The following TDRD7 variants were observed in gnomAD, a reference collection of about 807,000 sequenced individuals.
TDRD7 encodes the protein tudor domain-containing protein 7.
In TDRD7, 47 loss-of-function variants were observed where a neutral mutation model predicts 109.8. That is an observed-to-expected ratio of 0.43 (90% CI 0.34 to 0.55). The LOEUF (loss-of-function observed/expected upper bound fraction) is 0.55. TDRD7 is among the 20% of genes least tolerant of loss of function. The pLI is 0.03. For synonymous variants in TDRD7, 424 were observed against 457.3 expected (o/e 0.93, Z 0.93); for missense variants, 1,164 against 1,319.2 (o/e 0.88, Z 1.82).
At chr9:97,436,586 G>A (rs1273742653) in intron 4 of TDRD7, among the ~76,000 whole-genome samples, 1 of 151,892 alleles carries the variant, frequency 6.6e-6, no homozygotes, top group Admixed American at 6.6e-5. Context: ...TATAGCTATC[G>A]ATCTTTTACT....
At chr9:97,481,711 A>G (rs1829119857) in intron 14 of TDRD7, among the ~76,000 whole-genome samples, 1 of 152,190 alleles carries the variant, frequency 6.6e-6, no homozygotes, top group African/African-American at 2.4e-5. Context: ...ACATGATAAT[A>G]CTGTTTTCTC....
chr9:97,492,754 T>A (rs1216907715), intron 16 of TDRD7, among the ~76,000 whole-genome samples: 1 of 152,210 alleles, frequency 6.6e-6, no homozygotes, highest in Non-Finnish European at 1.5e-5. Context: ...TTTGACTTGC[T>A]CCTAAGTCAC....
rs777724956 is a variant in TDRD7, at chr9:97,473,598, G to A, written c.2051G>A (p.Arg684His). ...CTGAACAAGCTCAGTGACCTTCTAC[G>A]TAAGATAGAGGACTACTTCCATTGC... The part of the protein sequence containing the change: ...KGLNKLSDLL[R>H]KIEDYFHCKH... The change falls in exon 11 of 17, where the codon CGT (arginine) becomes CAT (histidine). Residue 684 changes from arginine to histidine, a missense_variant. Coordinates refer to ENST00000355295, the MANE Select transcript of TDRD7 (RefSeq NM_014290.3). The A allele has an allele frequency of 1.7e-5, 28 of 1,613,620 alleles. No individual in the cohort carries two copies. Among genetic ancestry groups the A allele is most frequent in the South Asian group, 3.3e-5 (3 of 91,082 alleles).
At position 97,460,203 on chromosome 9, in the gene TDRD7, A is replaced by G; in HGVS notation, c.881A>G (p.Gln294Arg). 6.2e-7 allele frequency: 1 copy of G among 1,614,248 alleles called. No individual in the cohort carries two copies. Among genetic ancestry groups the G allele is most frequent in the Non-Finnish European group, 8.5e-7 (1 of 1,180,038 alleles). Residue 294 changes from glutamine (Q) to arginine (R), a missense_variant, in exon 7 of 17, where the codon CAA becomes CGA. Gln to Arg is a conservative substitution (Grantham distance 43). This residue lies in a region of TDRD7 where 407 missense variants were observed against 394.0 expected (regional missense o/e 1.03). Coordinates refer to ENST00000355295, the MANE Select transcript of TDRD7 (RefSeq NM_014290.3). ...GTGGAGAAACCTTGCAGTGGTGGCC[A>G]AGATTTACTTCTTTATCCAGCTAAG... The part of the protein sequence containing the change: ...CTVEKPCSGG[Q>R]DLLLYPAKRK...
chr9:97,493,393 G>A (rs118131625), intron 16 of TDRD7, among the ~76,000 whole-genome samples: 2,323 of 152,214 alleles, frequency 0.015, 31 homozygotes, highest in Non-Finnish European at 0.021. Context: ...AAATCAGCAA[G>A]TTTCTATTAG....
intron 2 of TDRD7, 99 bp from the exon 3 acceptor site, chr9:97,430,834 G>T (rs1828091548): frequency 7.0e-7 from 1 of 1,421,558 alleles, no homozygotes. Context: ...ACTTGACTTG[G>T]GATATGTAGG....
At chr9:97,450,076 A>G (rs186962248) in intron 6 of TDRD7, among the ~76,000 whole-genome samples, 12 of 152,128 alleles carry the variant, frequency 7.9e-5, no homozygotes, top group Non-Finnish European at 2.9e-5. Flanking sequence ...TATTAGGTAC[A>G]GCATCTTCTG....
Position 97,461,188 on chromosome 9 carries a change from T to C in TDRD7, c.1442+424T>C, listed in dbSNP as rs113782143. 8.2e-3 allele frequency among the ~76,000 whole-genome samples: 1,240 copies of C among 151,790 alleles called. 41 individuals carry two copies. The East Asian group carries it at 0.11, about 13-fold the overall frequency. On this transcript the variant is annotated intron_variant, in intron 7 of 16. Transcript: ENST00000355295. ...TATTCTTAGTTCTATAGAGTTATAG[T>C]GAGGCTTAATAATGTATTAATATTT...
intron 6 of TDRD7, among the ~76,000 whole-genome samples, chr9:97,445,154 C>T (rs1828378635): frequency 1.3e-5 from 2 of 152,114 alleles, no homozygotes; most frequent in Non-Finnish European, 2.9e-5. Flanking sequence ...GCAAAGATTC[C>T]AAGACAGTAA....
intron 8 of TDRD7, among the ~76,000 whole-genome samples, chr9:97,468,368 A>G (rs1828853740): frequency 1.3e-5 from 2 of 152,258 alleles, no homozygotes; most frequent in South Asian, 4.1e-4. Context: ...AAAGCGTCTC[A>G]TAAAGAAGGG....
chr9:97,482,919 C>T lies in TDRD7; in HGVS notation c.2483C>T (p.Pro828Leu), dbSNP rs1829139673. ...TTTACCCCTAAGAACTTCCCTGACC[C>T]TCATCGCAGTATTAATCGCCAGATT... is the stretch of plus-strand genomic sequence containing the variant. Reference protein sequence around the residue: ...YLFTPKNFPDPHRSINRQITN... With the variant: ...YLFTPKNFPDLHRSINRQITN... The change falls in exon 15 of 17, where the codon CCT becomes CTT. Residue 828 changes from proline (P) to leucine (L), a missense_variant. Coordinates refer to ENST00000355295, the MANE Select transcript of TDRD7 (RefSeq NM_014290.3). The T allele has an allele frequency of 1.2e-6, 2 of 1,614,168 alleles. No individual in the cohort carries two copies. The highest frequency in any genetic ancestry group is 1.3e-5 in the African/African-American group (1 of 75,044).
intron 6 of TDRD7, among the ~76,000 whole-genome samples, chr9:97,449,450 TTTGA>T (rs1352134234): frequency 7.2e-5 from 11 of 152,152 alleles, no homozygotes; most frequent in Non-Finnish European, 1.6e-4. Flanking sequence ...CCTCTTTGGG[TTTGA>T]TTAATTTGCT....
At chr9:97,442,792 ATT>A (rs376896278) in intron 6 of TDRD7, among the ~76,000 whole-genome samples, 4 of 145,172 alleles carry the variant, frequency 2.8e-5, no homozygotes, top group East Asian at 2.0e-4. Flanking sequence ...GAAAGCATGT[ATT>A]TTTTTTTTTT....
chr9:97,437,226 C>T (rs180692819), intron 4 of TDRD7, among the ~76,000 whole-genome samples: 1 of 152,178 alleles, frequency 6.6e-6, no homozygotes, highest in Non-Finnish European at 1.5e-5. Context: ...TTCAGGGTCT[C>T]TCATGAGGCT....
At chr9:97,480,154 C>G (rs1457815340) in intron 13 of TDRD7, among the ~76,000 whole-genome samples, 1 of 152,122 alleles carries the variant, frequency 6.6e-6, no homozygotes, top group African/African-American at 2.4e-5. Flanking sequence ...TCCGTTGATT[C>G]GAGGGTTTGC....
chr9:97,495,543 A>C, intron 16 of TDRD7, 120 bp from the exon 17 acceptor site: 1 of 952,810 alleles, frequency 1.0e-6, no homozygotes, highest in Admixed American at 1.7e-5. Context: ...AGTTCAGGCA[A>C]GTCTAACCTG....
In TDRD7 at chr9:97,480,954, G is replaced by A. The variant is rs1281216698; in HGVS notation, c.2412+16G>A. ...TAGCATTAAGGTTAGCTATCTTGTT[G>A]GGCCTGATACATTTAGAAAGGGAGC... is the stretch of plus-strand genomic sequence containing the variant. On this transcript the variant is annotated intron_variant, in intron 14 of 16. Coordinates refer to ENST00000355295, the MANE Select transcript of TDRD7 (RefSeq NM_014290.3). The A allele has an allele frequency of 8.7e-6, 14 of 1,605,468 alleles. No individual in the cohort carries two copies. Among genetic ancestry groups the A allele is most frequent in the Non-Finnish European group, 1.2e-5 (14 of 1,172,284 alleles).
intron 13 of TDRD7, among the ~76,000 whole-genome samples, chr9:97,478,880 G>T (rs1309733306): frequency 5.3e-5 from 8 of 151,992 alleles, no homozygotes; most frequent in Non-Finnish European, 1.0e-4. Context: ...TACAGTTCCA[G>T]AATATTGTGT....
intron 8 of TDRD7, among the ~76,000 whole-genome samples, chr9:97,466,900 C>G (rs1828829971): frequency 6.6e-6 from 1 of 152,036 alleles, no homozygotes; most frequent in Non-Finnish European, 1.5e-5. Flanking sequence ...TGATCAAAGC[C>G]CATCAAACTG....
Sources: allele counts gnomAD v4.1 joint callset (sites outside exome capture counted in the v4.1 genomes callset), GRCh38; gene constraint gnomAD v4.1.1; regional missense constraint gnomAD v4.1.1; transcripts MANE v1.5; gene names NCBI Gene and HGNC (gene_info 2026-07-23, HGNC 2026-07-21).